Variants in CCL26 observed in about 807,000 individuals in gnomAD.
CCL26 encodes C-C motif chemokine ligand 26.
CCL26 carries 10 observed loss-of-function variants against 10.7 expected under a neutral mutation model. The observed-to-expected ratio is 0.93, with a 90% CI of 0.57 to 1.58. The LOEUF is 1.58. Ranked by LOEUF, CCL26 falls within the 40% of genes most tolerant of loss-of-function variation. The probability of loss-of-function intolerance (pLI) is 0.00; values close to 1 mark genes in which losing one functional copy is unlikely to be tolerated. For synonymous variants in CCL26, 43 were observed against 41.4 expected (o/e 1.04, Z -0.15); for missense variants, 116 against 111.0 (o/e 1.05, Z -0.20).
At chr7:75,776,233 G>A (rs111431252), upstream of CCL26, among the ~76,000 whole-genome samples, 44,691 of 151,214 alleles carry the variant, frequency 0.3, 7,231 homozygotes, top group African/African-American at 0.43. Context: ...CACCATGCCC[G>A]ACTAATTTTT....
intron 1 of CCL26, among the ~76,000 whole-genome samples, chr7:75,784,206 C>T (rs181111698): frequency 2.0e-3 from 310 of 152,322 alleles, no homozygotes; most frequent in Non-Finnish European, 3.8e-3. Flanking sequence ...GCTATAAGTG[C>T]TAGAAATCTG....
chr7:75,786,427 C>T (rs1803185132), intron 1 of CCL26, among the ~76,000 whole-genome samples: 1 of 152,176 alleles, frequency 6.6e-6, no homozygotes, highest in Admixed American at 6.6e-5. Context: ...TTAACTCGGG[C>T]CCTCACTCTT....
At chr7:75,772,678 A>G (rs1802854866), upstream of CCL26, among the ~76,000 whole-genome samples, 1 of 151,596 alleles carries the variant, frequency 6.6e-6, no homozygotes, top group Admixed American at 6.6e-5. Flanking sequence ...ACAAACAAAC[A>G]AACAACAAAA....
At chr7:75,790,218 T>TCTTTCTTTCTTTCTTTCTTTCTTTCTTC (rs1554530641), upstream of CCL26, among the ~76,000 whole-genome samples, 4 of 66,852 alleles carry the variant, frequency 6.0e-5, no homozygotes, top group Admixed American at 1.6e-4. Context: ...TTTCTTTCTT[T>TCTTTCTTTCTTTCTTTCTTTCTTTCTTC]CTTCCTTCCT....
intron 1 of CCL26, among the ~76,000 whole-genome samples, chr7:75,787,221 T>C (rs782475552): frequency 6.6e-5 from 10 of 152,186 alleles, no homozygotes; most frequent in Non-Finnish European, 1.5e-4. Flanking sequence ...TACAGTCCGA[T>C]AATGGACTGG....
At chr7:75,791,402 G>T (rs1803330069), upstream of CCL26, among the ~76,000 whole-genome samples, 1 of 152,112 alleles carries the variant, frequency 6.6e-6, no homozygotes, top group Non-Finnish European at 1.5e-5. Flanking sequence ...GCCCATAGCT[G>T]GCGGCCCTGG....
chr7:75,776,731 T>C (rs551636533), upstream of CCL26, among the ~76,000 whole-genome samples: 3 of 152,168 alleles, frequency 2.0e-5, no homozygotes, highest in South Asian at 6.2e-4. Context: ...AAATACACAC[T>C]TAAACCGCAG....
At chr7:75,770,107 T>G (rs1418679361) in intron 2 of CCL26, among the ~76,000 whole-genome samples, 2 of 151,550 alleles carry the variant, frequency 1.3e-5, no homozygotes, top group African/African-American at 4.9e-5. Flanking sequence ...TCTCACTCTG[T>G]TGCCCACATT....
intron 1 of CCL26, among the ~76,000 whole-genome samples, chr7:75,777,883 G>A (rs1167789292): frequency 6.7e-6 from 1 of 149,836 alleles, no homozygotes; most frequent in Admixed American, 6.7e-5. Flanking sequence ...GCAGTGGCAC[G>A]ATCTTGGCTC....
chr7:75,787,382 C>T (rs138703236), intron 1 of CCL26, among the ~76,000 whole-genome samples: 82 of 152,114 alleles, frequency 5.4e-4, no homozygotes, highest in African/African-American at 1.7e-3. Flanking sequence ...CAGTGGCTCA[C>T]GCCTGTAATC....
At chr7:75,791,260 C>G (rs1325278539), upstream of CCL26, among the ~76,000 whole-genome samples, 1 of 152,012 alleles carries the variant, frequency 6.6e-6, no homozygotes, top group Non-Finnish European at 1.5e-5. Flanking sequence ...CTCCTGGCCT[C>G]GTGATCCACC....
chr7:75,791,247 A>T (rs1554530818), upstream of CCL26, among the ~76,000 whole-genome samples: 1 of 151,872 alleles, frequency 6.6e-6, no homozygotes. Flanking sequence ...GGCTGGTCTC[A>T]AACTCCTGGC....
At chr7:75,777,741 A>AAAAAAAAAAAAC (rs1802973094) in intron 1 of CCL26, among the ~76,000 whole-genome samples, 3 of 150,820 alleles carry the variant, frequency 2.0e-5, no homozygotes, top group Non-Finnish European at 4.4e-5. Flanking sequence ...AAAAAAAAAA[A>AAAAAAAAAAAAC]AGCAGCAGCA....
At chr7:75,775,013 A>G (rs919106337), upstream of CCL26, among the ~76,000 whole-genome samples, 2 of 152,064 alleles carry the variant, frequency 1.3e-5, no homozygotes, top group Non-Finnish European at 2.9e-5. Context: ...TGAGGTCAGG[A>G]GTTCAAGATG....
rs187553080 is a variant in CCL26, at chr7:75,788,412, A to G, written c.-79+1305T>C. 6.9e-3 allele frequency among the ~76,000 whole-genome samples: 1,055 copies of G among 151,936 alleles called. 11 individuals are homozygous for G. The highest frequency in any genetic ancestry group is 0.011 in the Non-Finnish European group (762 of 67,962). On this transcript the variant is annotated intron_variant, in intron 1 of 3. Coordinates refer to the CCL26 transcript ENST00000394905. ...CAACCCCTTTTGACTGTAATTTTCC[A>G]TTACCTACCCAAATCCTATAAAACG...
upstream of CCL26, among the ~76,000 whole-genome samples, chr7:75,773,381 G>A (rs1259070756): frequency 4.6e-5 from 7 of 151,460 alleles, no homozygotes; most frequent in Admixed American, 6.6e-5. Flanking sequence ...CCGAGATCCC[G>A]CCATTGCACT....
At chr7:75,773,339 G>A (rs185992782), upstream of CCL26, among the ~76,000 whole-genome samples, 204 of 151,626 alleles carry the variant, frequency 1.3e-3, no homozygotes, top group Non-Finnish European at 2.1e-3. Context: ...CAGGAGAATC[G>A]CTTGAATGCA....
At chr7:75,770,450 C>T (rs561439097) in intron 2 of CCL26, among the ~76,000 whole-genome samples, 3 of 151,736 alleles carry the variant, frequency 2.0e-5, no homozygotes, top group African/African-American at 2.4e-5. Context: ...GGCGCGATCT[C>T]GGCTCACCAC....
At chr7:75,785,828 A>G (rs1206242392) in intron 1 of CCL26, among the ~76,000 whole-genome samples, 3 of 152,236 alleles carry the variant, frequency 2.0e-5, no homozygotes, top group East Asian at 1.9e-4. Flanking sequence ...CATTACACAC[A>G]GCCAAAGTGC....
Sources: gnomAD v4.1 joint callset for allele counts (sites outside exome capture counted in the v4.1 genomes callset) on GRCh38, gnomAD v4.1.1 for gene constraint, MANE v1.5 for transcripts, NCBI Gene and HGNC (gene_info 2026-07-23, HGNC 2026-07-21) for gene names.